WWOX: variants seen among roughly 807,000 people sequenced by gnomAD.
The protein encoded by WWOX is WW domain-containing oxidoreductase.
Under a neutral mutation model 46.2 loss-of-function variants are expected in WWOX, and 69 were observed. That is an observed-to-expected ratio of 1.49 (90% CI 1.23 to 1.82). The LOEUF is 1.82. Ranked by LOEUF, WWOX falls within the 40% of genes most tolerant of loss-of-function variation. The probability of loss-of-function intolerance (pLI) is 0.00; values close to 1 mark genes in which losing one functional copy is unlikely to be tolerated. For synonymous variants in WWOX, 359 were observed against 202.6 expected (o/e 1.77, Z -6.56); for missense variants, 919 against 542.6 (o/e 1.69, Z -6.89).
chr16:78,483,379 T>G (rs1313529311), intron 8 of WWOX, among the ~76,000 whole-genome samples: 1 of 151,986 alleles, frequency 6.6e-6, no homozygotes, highest in African/African-American at 2.4e-5. Flanking sequence ...TGGAAGATTT[T>G]TTTTTTTTTT....
At chr16:78,334,734 T>A (rs2080839882) in intron 5 of WWOX, among the ~76,000 whole-genome samples, 2 of 151,394 alleles carry the variant, frequency 1.3e-5, no homozygotes, top group Non-Finnish European at 2.9e-5. Flanking sequence ...CTAACCCATA[T>A]GGGAGAAATT....
intron 5 of WWOX, among the ~76,000 whole-genome samples, chr16:78,283,559 A>G (rs796423715): frequency 5.9e-5 from 9 of 152,272 alleles, no homozygotes; most frequent in African/African-American, 1.9e-4. Context: ...TACTGCTACA[A>G]TTTGAAAACG....
chr16:78,677,845 C>G (rs537021587), intron 8 of WWOX, among the ~76,000 whole-genome samples: 5 of 152,268 alleles, frequency 3.3e-5, no homozygotes, highest in African/African-American at 9.6e-5. Context: ...CTTCTGAGTA[C>G]AGAACCAAAC....
At chr16:78,132,319 C>A (rs931226878) in intron 4 of WWOX, among the ~76,000 whole-genome samples, 1 of 152,170 alleles carries the variant, frequency 6.6e-6, no homozygotes, top group African/African-American at 2.4e-5. Context: ...AGCCACCACG[C>A]CCGGCCTTGA....
intron 8 of WWOX, among the ~76,000 whole-genome samples, chr16:79,124,775 T>C (rs1360622679): frequency 6.6e-6 from 1 of 152,206 alleles, no homozygotes; most frequent in Non-Finnish European, 1.5e-5. Flanking sequence ...GGTTAGAAAG[T>C]GTGCAATTTT....
At chr16:78,361,971 C>CTT (rs56026502) in intron 5 of WWOX, among the ~76,000 whole-genome samples, 3,551 of 138,508 alleles carry the variant, frequency 0.026, 149 homozygotes, top group African/African-American at 0.076. Context: ...CAGGTATTTC[C>CTT]TTTTTTTTTT....
At chr16:78,907,186 A>T (rs565640572) in intron 8 of WWOX, among the ~76,000 whole-genome samples, 1 of 152,064 alleles carries the variant, frequency 6.6e-6, no homozygotes, top group East Asian at 1.9e-4. Context: ...TGTGGATGCA[A>T]TCATAGGGGT....
At chr16:78,654,204 G>C (rs991775754) in intron 8 of WWOX, among the ~76,000 whole-genome samples, 1 of 151,422 alleles carries the variant, frequency 6.6e-6, no homozygotes, top group African/African-American at 2.4e-5. Flanking sequence ...CTGGGTGGGC[G>C]ATTTGAATAG....
At chr16:78,979,060 G>C (rs190991425) in intron 8 of WWOX, among the ~76,000 whole-genome samples, 3 of 148,656 alleles carry the variant, frequency 2.0e-5, no homozygotes, top group Admixed American at 6.7e-5. Context: ...GGTCTCCTTC[G>C]TCCTCCCTGC....
At chr16:78,312,657 G>T (rs925180290) in intron 5 of WWOX, among the ~76,000 whole-genome samples, 1 of 152,196 alleles carries the variant, frequency 6.6e-6, no homozygotes, top group Non-Finnish European at 1.5e-5. Context: ...TTACAGGCAT[G>T]AGCCACTGTG....
chr16:78,874,215 C>T (rs369932717), intron 8 of WWOX, among the ~76,000 whole-genome samples: 4 of 149,760 alleles, frequency 2.7e-5, no homozygotes, highest in South Asian at 4.3e-4. Flanking sequence ...GAGATGGCGC[C>T]GCTGCACTCT....
At chr16:78,912,759 C>T (rs2045144360) in intron 8 of WWOX, among the ~76,000 whole-genome samples, 1 of 151,954 alleles carries the variant, frequency 6.6e-6, no homozygotes, top group Non-Finnish European at 1.5e-5. Context: ...TTCTCTAAAA[C>T]CAACTTCTAG....
At chr16:78,894,648 C>T (rs554034217) in intron 8 of WWOX, among the ~76,000 whole-genome samples, 1 of 152,088 alleles carries the variant, frequency 6.6e-6, no homozygotes, top group Non-Finnish European at 1.5e-5. Context: ...TTATACCTAC[C>T]CAGCCTGCTT....
At chr16:78,309,298 T>G (rs1287986755) in intron 5 of WWOX, among the ~76,000 whole-genome samples, 2 of 152,226 alleles carry the variant, frequency 1.3e-5, no homozygotes, top group Non-Finnish European at 2.9e-5. Context: ...CCTGCCGCTT[T>G]GTGAACCTGG....
chr16:78,944,980 A>G (rs2151295870), intron 8 of WWOX, among the ~76,000 whole-genome samples: 1 of 152,274 alleles, frequency 6.6e-6, no homozygotes, highest in Non-Finnish European at 1.5e-5. Context: ...GGAGTTCAAG[A>G]CCAGCCTGAG....
chr16:78,574,417 C>A (rs2044796608), intron 8 of WWOX, among the ~76,000 whole-genome samples: 2 of 152,102 alleles, frequency 1.3e-5, no homozygotes, highest in African/African-American at 4.8e-5. Flanking sequence ...CTTGAAGTAT[C>A]TTCTCTCCTC....
At chr16:78,745,739 TCTC>T (rs1462625201) in intron 8 of WWOX, among the ~76,000 whole-genome samples, 2 of 149,830 alleles carry the variant, frequency 1.3e-5, no homozygotes, top group Admixed American at 6.7e-5. Context: ...TCCTCCTCCT[TCTC>T]CTCCTCCCTC....
chr16:78,392,882 T>G lies in WWOX; in HGVS notation c.605+5934T>G, dbSNP rs148373420. 7.5e-3 allele frequency among the ~76,000 whole-genome samples: 1,137 copies of G among 152,254 alleles called. 22 individuals carry two copies. The highest frequency in any genetic ancestry group is 0.026 in the African/African-American group (1,071 of 41,560). On this transcript the variant is annotated intron_variant, in intron 6 of 8. Transcript: ENST00000566780. ...ACTCACTCCCATTTTCATTCATTGA[T>G]TCTGTTATTCTCCACTAAGTTTTCT...
chr16:79,006,184 C>G (rs1041553582), intron 8 of WWOX, among the ~76,000 whole-genome samples: 1 of 152,128 alleles, frequency 6.6e-6, no homozygotes, highest in African/African-American at 2.4e-5. Context: ...GATGGGGTGA[C>G]AAGTTTGGCC....
Sources: gnomAD v4.1 joint callset for allele counts (sites outside exome capture counted in the v4.1 genomes callset) on GRCh38, gnomAD v4.1.1 for gene constraint, MANE v1.5 for transcripts, NCBI Gene and HGNC (gene_info 2026-07-23, HGNC 2026-07-21) for gene names.